Variants in MDN1 observed in about 807,000 individuals in gnomAD.
The protein encoded by MDN1 is midasin.
MDN1 carries 266 observed loss-of-function variants against 669.2 expected under a neutral mutation model. The ratio of observed to expected loss-of-function variants is 0.40; its 90% confidence interval spans 0.36 to 0.44. The LOEUF (loss-of-function observed/expected upper bound fraction) is 0.44, where lower values mean the gene tolerates loss of function less well. MDN1 is among the 20% of genes least tolerant of loss of function. MDN1 has a pLI of 1.00. For synonymous variants in MDN1, 2,385 were observed against 2,457.1 expected, an observed-to-expected ratio of 0.97 and a Z score of 0.87; for missense variants, 5,940 against 6,754.0, an observed-to-expected ratio of 0.88 and a Z score of 4.22.
At chr6:89,790,519 T>A in intron 5 of MDN1, 118 bp from the exon 6 acceptor site, 2 of 1,216,518 alleles carry the variant, frequency 1.6e-6, no homozygotes, top group Non-Finnish European at 2.4e-6. Flanking sequence ...AAATTAGTAG[T>A]ACCAAAACTA....
chr6:89,753,727 A>T, intron 21 of MDN1, 105 bp from the exon 22 acceptor site: 1 of 902,684 alleles, frequency 1.1e-6, no homozygotes, highest in South Asian at 1.4e-5. Context: ...CTGCTTCCCA[A>T]CTTTTAAATA....
intron 94 of MDN1, 120 bp downstream of exon 94, chr6:89,652,872 A>G: frequency 9.5e-7 from 1 of 1,053,828 alleles, no homozygotes; most frequent in Non-Finnish European, 1.4e-6. Flanking sequence ...AGAACATGAA[A>G]CCCCTCAACA....
intron 15 of MDN1, among the ~76,000 whole-genome samples, chr6:89,765,445 G>A (rs549977491): frequency 7.9e-5 from 12 of 152,122 alleles, no homozygotes; most frequent in South Asian, 2.1e-4. Flanking sequence ...CAAAATATAT[G>A]TGTCATTTAA....
intron 99 of MDN1, among the ~76,000 whole-genome samples, chr6:89,647,454 G>A (rs965046514): frequency 2.6e-5 from 4 of 152,138 alleles, no homozygotes; most frequent in Admixed American, 6.6e-5. Flanking sequence ...AGCTGATAAG[G>A]GTATGGGAGA....
rs538003553 is a variant in MDN1, at chr6:89,654,187, T to A, written c.15638A>T (p.Lys5213Met). The change falls in exon 93 of 102, where the codon AAG becomes ATG. Residue 5213 changes from lysine to methionine, a missense_variant. By Grantham distance (95) the Lys-to-Met change is moderately conservative. Transcript: ENST00000369393. ...ACCCAAGGGTGCTGTGGTGCCCGACTTGATTTCCTCTGGCTTCAGCTGCTC... is the reference window on the plus strand; with the variant it reads ...ACCCAAGGGTGCTGTGGTGCCCGACATGATTTCCTCTGGCTTCAGCTGCTC... ...DVEQLKPEEI[K>M]SGTTAPLGFD... The A allele has an allele frequency of 5.0e-6, 8 of 1,614,248 alleles. No individual in the cohort carries two copies. The African/African-American group carries it at 8.0e-5, about 16-fold the overall frequency.
chr6:89,664,567 T>C lies in MDN1; in HGVS notation c.14156A>G (p.Asp4719Gly), dbSNP rs753229003. The change falls in exon 85 of 102, where the codon GAT becomes GGT. Residue 4719 changes from aspartate to glycine, a missense_variant. Asp to Gly is a moderately conservative substitution (Grantham distance 94). Coordinates refer to ENST00000369393, the MANE Select transcript of MDN1 (RefSeq NM_014611.3). Reference sequence around the variant, plus strand: ...AATGGCATTATCCTCGCCCTTAATATCAGATTTTGAATCAGGATCCTCTTT... The same window carrying C: ...AATGGCATTATCCTCGCCCTTAATACCAGATTTTGAATCAGGATCCTCTTT... ...KDKEDPDSKS[D>G]IKGEDNAIEM... 3 of 1,613,750 alleles carry C rather than the reference T, an allele frequency of 1.9e-6. No homozygotes were observed. The highest frequency in any genetic ancestry group is 2.5e-6 in the Non-Finnish European group (3 of 1,179,644).
chr6:89,714,973 C>T (rs1298326715), intron 45 of MDN1, among the ~76,000 whole-genome samples: 1 of 152,170 alleles, frequency 6.6e-6, no homozygotes, highest in Non-Finnish European at 1.5e-5. Context: ...ACCTTTAGTG[C>T]TGAGAACTTT....
chr6:89,662,686 C>A, intron 86 of MDN1, 106 bp downstream of exon 86: 1 of 1,287,312 alleles, frequency 7.8e-7, no homozygotes, highest in African/African-American at 1.5e-5. Flanking sequence ...AAAAAGAGAA[C>A]AAAACAAATA....
At chr6:89,748,726 A>G (rs1816793915) in intron 26 of MDN1, among the ~76,000 whole-genome samples, 1 of 152,048 alleles carries the variant, frequency 6.6e-6, no homozygotes, top group Admixed American at 6.6e-5. Context: ...GATTAAAAAA[A>G]AAAACTAAAA....
chr6:89,661,298 C>T (rs1321677550), intron 88 of MDN1, 133 bp downstream of exon 88: 1 of 995,030 alleles, frequency 1.0e-6, no homozygotes, highest in Non-Finnish European at 1.5e-6. Flanking sequence ...AAACCATTTT[C>T]TCAGACTGGG....
intron 1 of MDN1, among the ~76,000 whole-genome samples, chr6:89,815,618 T>C (rs1768774675): frequency 1.3e-5 from 2 of 152,140 alleles, no homozygotes; most frequent in Non-Finnish European, 2.9e-5. Flanking sequence ...GGGGAGATCT[T>C]GCAGAGGTGG....
Position 89,819,617 on chromosome 6 carries a change from C to A in MDN1, c.-10G>T. On this transcript the variant is annotated 5_prime_UTR_variant, in exon 1 of 102. Coordinates refer to ENST00000369393, the MANE Select transcript of MDN1 (RefSeq NM_014611.3). ...GCAAGAAGTGCTCCATGACCCAGGG[C>A]CCTCACCCCGAGCGGCCACCTGCGC... 1 of 1,599,470 alleles carries A rather than the reference C, an allele frequency of 6.3e-7. No homozygotes were observed. Among genetic ancestry groups the A allele is most frequent in the Non-Finnish European group, 8.5e-7 (1 of 1,178,988 alleles).
At chr6:89,731,797 C>CA (rs1815613708) in intron 34 of MDN1, among the ~76,000 whole-genome samples, 1 of 36,936 alleles carries the variant, frequency 2.7e-5, no homozygotes, top group Admixed American at 3.9e-4. Context: ...TTCATAGTAC[C>CA]GCCCCCCCCC....
intron 34 of MDN1, among the ~76,000 whole-genome samples, chr6:89,731,547 G>A (rs951564168): frequency 1.3e-5 from 2 of 152,036 alleles, no homozygotes; most frequent in Non-Finnish European, 2.9e-5. Flanking sequence ...CTCATAAGTG[G>A]GAGTTGAACA....
chr6:89,809,993 TAAAAAAAAAAAAAA>T (rs61558155), intron 1 of MDN1, among the ~76,000 whole-genome samples: 760 of 52,872 alleles, frequency 0.014, 14 homozygotes, highest in Middle Eastern at 0.1. Context: ...TCCGTTTCAC[TAAAAAAAAAAAAAA>T]AAAAAAAAAA....
chr6:89,731,589 T>A (rs1283771757), intron 34 of MDN1, among the ~76,000 whole-genome samples: 1 of 150,792 alleles, frequency 6.6e-6, no homozygotes. Context: ...GAGGGGAACA[T>A]CACATACTGG....
rs886114409 is a variant in MDN1, at chr6:89,713,063, G to C, written c.7218+85C>G. 4 of 1,450,046 alleles carry C rather than the reference G, an allele frequency of 2.8e-6. No individual in the cohort carries two copies. In the East Asian group the frequency reaches 9.2e-5, roughly 33 times the overall value. 89.8% of individuals were successfully genotyped at this position (1,450,046 alleles called of 1,614,324 possible). Reference sequence around the variant, plus strand: ...AGTGGTCAACTCTCTTAGGTCACTGGGTTGCCACCTTTAAAAATAATTTCC... The same window carrying C: ...AGTGGTCAACTCTCTTAGGTCACTGCGTTGCCACCTTTAAAAATAATTTCC... On this transcript the variant is annotated intron_variant, in intron 47 of 101. Coordinates refer to ENST00000369393, the MANE Select transcript of MDN1 (RefSeq NM_014611.3).
At chr6:89,649,834 C>CT (rs1283734744) in intron 97 of MDN1, among the ~76,000 whole-genome samples, 190 bp downstream of exon 97, 4 of 152,200 alleles carry the variant, frequency 2.6e-5, no homozygotes, top group Non-Finnish European at 4.4e-5. Context: ...CTTTTGAACT[C>CT]TTTAAATCTT....
chr6:89,794,543 A>G (rs755257077), intron 3 of MDN1, 34 bp downstream of exon 3: 2 of 1,590,088 alleles, frequency 1.3e-6, no homozygotes, highest in South Asian at 2.2e-5. Flanking sequence ...CCATCCCCAC[A>G]CTAGAAGTGC....
Sources: allele counts gnomAD v4.1 joint callset (sites outside exome capture counted in the v4.1 genomes callset), GRCh38; gene constraint gnomAD v4.1.1; transcripts MANE v1.5; gene names NCBI Gene and HGNC (gene_info 2026-07-23, HGNC 2026-07-21).